Variants in HYAL4 observed in about 807,000 individuals in gnomAD.
The protein encoded by HYAL4 is hyaluronidase-4.
In HYAL4, 37 loss-of-function variants were observed where a neutral mutation model predicts 35.2. The observed-to-expected ratio is 1.05, with a 90% CI of 0.81 to 1.38. HYAL4 has a LOEUF of 1.38. HYAL4 is among the 40% of genes most tolerant of loss of function. The probability of loss-of-function intolerance (pLI) is 0.00; values close to 1 mark genes in which losing one functional copy is unlikely to be tolerated. For synonymous variants in HYAL4, 198 were observed against 203.2 expected (o/e 0.97, Z 0.22); for missense variants, 572 against 572.4 (o/e 1.00, Z 0.01).
At chr7:123,788,796 T>C in the HYAL4 span, among the ~76,000 whole-genome samples, 10,060 of 152,288 alleles carry the variant, frequency 0.066, 420 homozygotes, top group East Asian at 0.11. Context: ...TGTGCAGTTA[T>C]CAGTGTACAC....
At chr7:123,850,606 G>A (rs1382432184) in intron 2 of HYAL4, among the ~76,000 whole-genome samples, 1 of 152,172 alleles carries the variant, frequency 6.6e-6, no homozygotes. Flanking sequence ...TTTGTTCACA[G>A]ACCGAAGTCT....
At chr7:123,766,256 C>T in the HYAL4 span, among the ~76,000 whole-genome samples, 1 of 152,194 alleles carries the variant, frequency 6.6e-6, no homozygotes, top group East Asian at 1.9e-4. Flanking sequence ...AAGCCTTTTA[C>T]TTTTTCTCAT....
Position 123,877,217 on chromosome 7 carries a change from CTT to C in HYAL4, c.*63_*64del. On this transcript the variant is annotated 3_prime_UTR_variant, in exon 5 of 5. Transcript: ENST00000223026. ...CCTAGTCATTTAAAGAAGGATGTAA[CTT>C]ATAACATTTTTTTTCTCTTATGAAT... The C allele has an allele frequency of 1.4e-6, 2 of 1,476,556 alleles. No homozygotes were observed. The highest frequency in any genetic ancestry group is 2.3e-5 in the East Asian group (1 of 43,938). 91.5% of individuals were successfully genotyped at this position (1,476,556 alleles called of 1,614,324 possible). A position where few individuals can be genotyped will look rare whatever the true frequency, so the allele number is the denominator to read the frequency against.
intron 2 of HYAL4, among the ~76,000 whole-genome samples, chr7:123,863,669 G>C (rs542950529): frequency 6.6e-6 from 1 of 152,292 alleles, no homozygotes; most frequent in South Asian, 2.1e-4. Flanking sequence ...CTTCTTTTCT[G>C]ATCTTAGACA....
intron 3 of HYAL4, among the ~76,000 whole-genome samples, chr7:123,873,982 C>T (rs1806946241): frequency 6.6e-6 from 1 of 152,230 alleles, no homozygotes; most frequent in African/African-American, 2.4e-5. Context: ...GCTTCTTTGC[C>T]TGGCCTTGGA....
At chr7:123,847,854 T>TA (rs1301556407) in intron 1 of HYAL4, among the ~76,000 whole-genome samples, 1 of 152,190 alleles carries the variant, frequency 6.6e-6, no homozygotes, top group Non-Finnish European at 1.5e-5. Context: ...CTGGAAGTCT[T>TA]ACATATACAG....
chr7:123,847,379 A>G (rs143299717), intron 1 of HYAL4, among the ~76,000 whole-genome samples: 55 of 152,310 alleles, frequency 3.6e-4, no homozygotes, highest in African/African-American at 1.1e-3. Flanking sequence ...TTGAGCCATT[A>G]GTTCTAGTAA....
chr7:123,876,964 G>A lies in HYAL4; in HGVS notation c.1255G>A (p.Gly419Arg). Residue 419 changes from glycine to arginine, a missense_variant, in exon 5 of 5, where the codon GGA (glycine) becomes AGA (arginine). Coordinates refer to ENST00000223026, the MANE Select transcript of HYAL4 (RefSeq NM_012269.3). ...TGAGGACGGGGAGTTTACTGTGAAA[G>A]GAAAAGCATCTGATACAGACCTGGC... Reference protein sequence around the residue: ...ASEDGEFTVKGKASDTDLAVM... With the variant: ...ASEDGEFTVKRKASDTDLAVM... The A allele has an allele frequency of 6.2e-7, 1 of 1,614,178 alleles. No homozygotes were observed. Among genetic ancestry groups the A allele is most frequent in the Non-Finnish European group, 8.5e-7 (1 of 1,180,024 alleles).
chr7:123,799,893 G>T, the HYAL4 span, among the ~76,000 whole-genome samples: 1 of 152,042 alleles, frequency 6.6e-6, no homozygotes, highest in South Asian at 2.1e-4. Context: ...GGACTTGGTA[G>T]CTCACGCCTG....
At chr7:123,793,733 T>A in the HYAL4 span, among the ~76,000 whole-genome samples, 1 of 152,204 alleles carries the variant, frequency 6.6e-6, no homozygotes, top group Non-Finnish European at 1.5e-5. Flanking sequence ...CAATTAAATC[T>A]CTTTTCTTTA....
intron 2 of HYAL4, among the ~76,000 whole-genome samples, chr7:123,851,232 T>A (rs902246712): frequency 7.9e-5 from 12 of 152,134 alleles, no homozygotes; most frequent in Admixed American, 4.6e-4. Context: ...ATATTACATT[T>A]GATGTTTCAA....
chr7:123,802,412 C>T, the HYAL4 span, among the ~76,000 whole-genome samples: 2 of 152,128 alleles, frequency 1.3e-5, no homozygotes, highest in Admixed American at 1.3e-4. Context: ...ATCCTCTGTT[C>T]AACTTTTAAT....
the HYAL4 span, among the ~76,000 whole-genome samples, chr7:123,786,713 GCTATCTATCTATCTAT>G: frequency 4.7e-4 from 70 of 148,462 alleles, no homozygotes; most frequent in African/African-American, 1.1e-3. Context: ...TGTATCACAT[GCTATCTATCTATCTAT>G]CTATCTATCT....
At chr7:123,874,240 A>G (rs549371258) in intron 3 of HYAL4, among the ~76,000 whole-genome samples, 14 of 152,164 alleles carry the variant, frequency 9.2e-5, no homozygotes, top group South Asian at 4.1e-4. Context: ...CTTTAAAAAT[A>G]TTTATGTTTT....
chr7:123,857,677 C>CTTTGTTTGTTTG (rs1400897639), intron 2 of HYAL4, among the ~76,000 whole-genome samples: 1 of 78,848 alleles, frequency 1.3e-5, no homozygotes, highest in South Asian at 4.4e-4. Flanking sequence ...TTGTTTCTTT[C>CTTTGTTTGTTTG]TTTCTTTCTT....
chr7:123,830,789 C>G (rs1012867490), intron 1 of HYAL4, among the ~76,000 whole-genome samples: 1 of 152,058 alleles, frequency 6.6e-6, no homozygotes, highest in Non-Finnish European at 1.5e-5. Context: ...TCATCTTTGT[C>G]TCAAGATAAT....
In HYAL4 at chr7:123,868,585, A is replaced by G. The variant is rs749973254; in HGVS notation, c.312A>G (p.Gln104=). The G allele has an allele frequency of 6.2e-7, 1 of 1,614,212 alleles. No homozygotes were observed. Among genetic ancestry groups the G allele is most frequent in the African/African-American group, 1.3e-5 (1 of 75,062 alleles). ...RLGYYPWYTS[Q]GVPINGGLPQ... ...GATACTATCCGTGGTATACATCACA[A>G]GGGGTCCCCATTAATGGAGGTCTCC... The change falls in exon 3 of 5, where the codon CAA becomes CAG. Residue 104 remains glutamine (Q), a synonymous_variant. Transcript: ENST00000223026.
chr7:123,841,154 T>G (rs1806051238), upstream of HYAL4, among the ~76,000 whole-genome samples: 1 of 151,998 alleles, frequency 6.6e-6, no homozygotes, highest in Non-Finnish European at 1.5e-5. Flanking sequence ...TATTTTGAGA[T>G]ATGTTCCCTC....
At chr7:123,842,478 T>C (rs1584911996), upstream of HYAL4, among the ~76,000 whole-genome samples, 2 of 152,164 alleles carry the variant, frequency 1.3e-5, no homozygotes, top group African/African-American at 4.8e-5. Flanking sequence ...ATTCTGTTGA[T>C]TTCGGGTGGA....
Sources: gnomAD v4.1 joint callset for allele counts (sites outside exome capture counted in the v4.1 genomes callset) on GRCh38, gnomAD v4.1.1 for gene constraint, MANE v1.5 for transcripts, NCBI Gene and HGNC (gene_info 2026-07-23, HGNC 2026-07-21) for gene names.